Variants in PARP1 observed in about 807,000 individuals in gnomAD.
PARP1 encodes the protein poly [ADP-ribose] polymerase 1.
In PARP1, 44 loss-of-function variants were observed where a neutral mutation model predicts 118.7. The ratio of observed to expected loss-of-function variants is 0.37; its 90% CI spans 0.29 to 0.48. The LOEUF (loss-of-function observed/expected upper bound fraction) is 0.48, where lower values mean the gene tolerates loss of function less well. Among genes scored for constraint, PARP1 ranks in the 20% least tolerant of loss-of-function variants. PARP1 has a pLI of 0.99. For synonymous variants in PARP1, 492 were observed against 483.2 expected (o/e 1.02, Z -0.24); for missense variants, 1,100 against 1,272.4 (o/e 0.86, Z 2.06).
rs527252275 is a variant in PARP1 at position 226,386,410 on chromosome 1, G to A, written c.750C>T (p.Asp250=). 17 of 1,613,704 alleles carry A rather than the reference G, an allele frequency of 1.1e-5. No individual in the cohort carries two copies. The highest frequency in any genetic ancestry group is 6.7e-5 in the East Asian group (3 of 44,876). Residue 250 remains aspartate (D), a synonymous_variant, in exon 6 of 23, where the codon GAC becomes GAT. Transcript: ENST00000366794. ...TAGTTGAACACACTTTCTTTAGCTC[G>A]TCCTTGATGTTCCAGATCAGGTCGT... ...AQNDLIWNIK[D]ELKKVCSTND... is the part of the protein sequence containing the mutation.
Position 226,392,121 on chromosome 1 carries a change from T to C in PARP1, c.402+78A>G. ...CTAGCACCCTAAAGCCCCCATTTCT[T>C]CTTTTCTCTTGAGATAGCCAATAAC... On this transcript the variant is annotated intron_variant, in intron 3 of 22. Coordinates refer to ENST00000366794, the MANE Select transcript of PARP1 (RefSeq NM_001618.4). The C allele has an allele frequency of 3.0e-6, 3 of 990,790 alleles. No individual in the cohort carries two copies. The East Asian group carries it at 7.1e-5, about 24-fold the overall frequency. 61.4% of individuals were successfully genotyped at this position (990,790 alleles called of 1,614,324 possible).
rs148181159 is a variant in PARP1, at chr1:226,377,183, G to A, written c.1866C>T (p.Thr622=). 2.3e-4 allele frequency: 379 copies of A among 1,613,934 alleles called. No individual in the cohort carries two copies. The highest frequency in any genetic ancestry group is 3.1e-4 in the Non-Finnish European group (366 of 1,180,000). Residue 622 remains threonine, a synonymous_variant, in exon 13 of 23, where the codon ACC becomes ACT. Coordinates refer to ENST00000366794, the MANE Select transcript of PARP1 (RefSeq NM_001618.4). ...AATTTTTGGAGTGCCAAGCGTTCCC[G>A]GTTTTTTCTTCATATAATTTCATGA... ...EHFMKLYEEK[T]GNAWHSKNFT...
At chr1:226,392,548 A>G (rs551734989) in intron 2 of PARP1, 11 of 570,454 alleles carry the variant, frequency 1.9e-5, no homozygotes, top group African/African-American at 3.7e-5. Flanking sequence ...AGAGCAGCAT[A>G]TCAGGGGGTG....
At chr1:226,362,543 G>C (rs753882406) in intron 21 of PARP1, among the ~76,000 whole-genome samples, 1 of 152,162 alleles carries the variant, frequency 6.6e-6, no homozygotes, top group Non-Finnish European at 1.5e-5. Flanking sequence ...AGTTTAATGA[G>C]AACAGTGGCA....
intron 2 of PARP1, among the ~76,000 whole-genome samples, chr1:226,400,409 C>T (rs946086767): frequency 6.6e-6 from 1 of 152,202 alleles, no homozygotes; most frequent in Non-Finnish European, 1.5e-5. Context: ...CATCAGCACA[C>T]ACCGGGATAA....
At chr1:226,383,600 C>T (rs1251497850) in intron 7 of PARP1, among the ~76,000 whole-genome samples, 2 of 152,094 alleles carry the variant, frequency 1.3e-5, no homozygotes, top group African/African-American at 2.4e-5. Flanking sequence ...TCCAAGACCC[C>T]GAATACTATA....
intron 2 of PARP1, among the ~76,000 whole-genome samples, chr1:226,397,681 G>A (rs1010857058): frequency 6.6e-6 from 1 of 152,046 alleles, no homozygotes; most frequent in Non-Finnish European, 1.5e-5. Flanking sequence ...CTCCTGCTCC[G>A]GCCATGTCAA....
At position 226,379,958 on chromosome 1, in the gene PARP1, G is replaced by A. The variant is rs2102735407; in HGVS notation, c.1507C>T (p.Leu503Phe). Residue 503 changes from leucine to phenylalanine, a missense_variant, in exon 10 of 23, where the codon CTC becomes TTC. By Grantham distance (22) the Leu-to-Phe change is conservative (BLOSUM62 0). Transcript: ENST00000366794. ...VAPRGKSGAA[L>F]SKKSKGQVKE... The stretch of plus-strand genomic sequence containing the variant: ...ACCTGGCCCTTGCTTTTTTTGGAGA[G>A]CGCAGCCCCTGACTTCCCTCTTGGG... The A allele has an allele frequency of 1.2e-6, 2 of 1,614,084 alleles. No homozygotes were observed. The highest frequency in any genetic ancestry group is 2.2e-5 in the East Asian group (1 of 44,866).
At chr1:226,368,401 T>G in intron 15 of PARP1, 80 bp from the exon 16 acceptor site, 1 of 1,591,112 alleles carries the variant, frequency 6.3e-7, no homozygotes, top group Non-Finnish European at 8.6e-7. Flanking sequence ...TTTTAGCAGG[T>G]GGGTGCTGCA....
Position 226,404,447 on chromosome 1 carries a change from ACC to A in PARP1, c.121-2070_121-2069del, listed in dbSNP as rs1182345940. On this transcript the variant is annotated intron_variant, in intron 1 of 22. Coordinates refer to ENST00000366794, the MANE Select transcript of PARP1 (RefSeq NM_001618.4). ...ACCCTTCCTGTGCAATGTTCCAGTT[ACC>A]CTTGTATAAAGAGCACAGGTAATGG... Among the ~76,000 whole-genome samples the A allele has an allele frequency of 2.6e-5, 4 of 152,256 alleles. No individual in the cohort carries two copies. The East Asian group carries it at 7.7e-4, about 29-fold the overall frequency.
chr1:226,362,229 A>G (rs1558232305), intron 21 of PARP1, 146 bp from the exon 22 acceptor site: 2 of 627,578 alleles, frequency 3.2e-6, no homozygotes, highest in Non-Finnish European at 2.8e-6. Context: ...ACTGTCGCCC[A>G]GGCCGGAGTG....
At position 226,379,260 on chromosome 1, in the gene PARP1, CAG is replaced by C. The variant is rs1183863567; in HGVS notation, c.1625_1626del (p.Ser542CysfsTer22). On this transcript the variant is annotated frameshift_variant, in exon 12 of 23. Transcript: ENST00000366794. LOFTEE classifies it high-confidence loss of function. ...TTCCCACCTTTCTCCAGGACATGCG[CAG>C]AGTGTTCCAGTCCTGTCCCAGAGGA... ...AVDPDSGLEH[S>X]AHVLEKGGKV... is the part of the protein sequence containing the mutation. The C allele has an allele frequency of 3.1e-6, 5 of 1,614,254 alleles. No homozygotes were observed. Among genetic ancestry groups the C allele is most frequent in the South Asian group, 1.1e-5 (1 of 91,092 alleles).
chr1:226,401,940 T>C, intron 2 of PARP1: 1 of 1,428,930 alleles, frequency 7.0e-7, no homozygotes, highest in Non-Finnish European at 9.1e-7. Context: ...GTTCTTTGCT[T>C]ACTTTTGCCA....
intron 20 of PARP1, 90 bp downstream of exon 20, chr1:226,363,853 T>C: frequency 1.4e-6 from 2 of 1,437,312 alleles, no homozygotes. Context: ...GTGGGGAATT[T>C]CTACTCTCCC....
intron 9 of PARP1, 122 bp from the exon 10 acceptor site, chr1:226,380,286 C>T: frequency 2.0e-6 from 2 of 977,358 alleles, no homozygotes; most frequent in South Asian, 1.4e-5. Context: ...CTCTCCTTTG[C>T]TTCCAAGTCT....
intron 21 of PARP1, 117 bp downstream of exon 21, chr1:226,362,982 G>C: frequency 5.2e-6 from 4 of 773,576 alleles, no homozygotes; most frequent in East Asian, 2.5e-5. Context: ...AAGATAAAAT[G>C]AATCTCCAGC....
rs534105862 is a variant in PARP1 at position 226,379,201 on chromosome 1, G to A, written c.1686C>T (p.Ile562=). 22 of 1,614,200 alleles carry A rather than the reference G, an allele frequency of 1.4e-5. No individual in the cohort carries two copies. The East Asian group carries it at 2.7e-4, about 20-fold the overall frequency. The change falls in exon 12 of 23, where the codon ATC becomes ATT. Residue 562 remains isoleucine (I), a synonymous_variant. Coordinates refer to ENST00000366794, the MANE Select transcript of PARP1 (RefSeq NM_001618.4). The part of the protein sequence containing the change: ...VFSATLGLVD[I]VKGTNSYYKL... ...TGTAGTAGGAGTTGGTTCCTTTAAC[G>A]ATGTCCACCAGGCCAAGGGTGGCAC... is the stretch of plus-strand genomic sequence containing the variant.
intron 13 of PARP1, among the ~76,000 whole-genome samples, chr1:226,375,888 G>A (rs980670158): frequency 2.0e-5 from 3 of 152,178 alleles, no homozygotes; most frequent in Admixed American, 6.5e-5. Context: ...GGTGGGAAAC[G>A]TACATATGCA....
Position 226,386,433 on chromosome 1 carries a change from C to G in PARP1, c.727G>C (p.Asp243His). 1.2e-6 allele frequency: 2 copies of G among 1,610,220 alleles called. No individual in the cohort carries two copies. The highest frequency in any genetic ancestry group is 2.2e-5 in the East Asian group (1 of 44,856). The stretch of plus-strand genomic sequence containing the variant: ...TCGTCCTTGATGTTCCAGATCAGGT[C>G]GTTCTGAGCCTATGGACAAGACCCA... ...KLEKALKAQN[D>H]LIWNIKDELK... The change falls in exon 6 of 23, where the codon GAC becomes CAC. Residue 243 changes from aspartate (D) to histidine (H), a missense_variant. Physicochemically the swap from Asp to His is moderately conservative, Grantham distance 81. Around this residue, in one of 2 missense-constraint regions of PARP1, gnomAD observed 948 missense variants for 1,031.8 expected, o/e 0.92. Coordinates refer to ENST00000366794, the MANE Select transcript of PARP1 (RefSeq NM_001618.4).
Sources: allele counts gnomAD v4.1 joint callset (sites outside exome capture counted in the v4.1 genomes callset), GRCh38; gene constraint gnomAD v4.1.1; regional missense constraint gnomAD v4.1.1; transcripts MANE v1.5; gene names NCBI Gene and HGNC (gene_info 2026-07-23, HGNC 2026-07-21).